DLC1: variants seen among roughly 807,000 people sequenced by gnomAD.
The protein encoded by DLC1 is rho GTPase-activating protein 7.
Under a neutral mutation model 140.3 loss-of-function variants are expected in DLC1, and 54 were observed. That is an observed-to-expected ratio of 0.38 (90% CI 0.31 to 0.48). The LOEUF (loss-of-function observed/expected upper bound fraction) is 0.48, where lower values mean the gene tolerates loss of function less well. Among genes scored for constraint, DLC1 ranks in the 20% least tolerant of loss-of-function variants. The pLI, the probability that DLC1 is intolerant of heterozygous loss-of-function variation, is 0.96. For missense variants in DLC1, 2,536 were observed against 1,907.0 expected, an observed-to-expected ratio of 1.33 and a Z score of -6.14; for synonymous variants, 986 against 728.1, an observed-to-expected ratio of 1.35 and a Z score of -5.70.
chr8:13,292,739 CA>C (rs1156909833), intron 5 of DLC1, among the ~76,000 whole-genome samples: 3 of 152,150 alleles, frequency 2.0e-5, no homozygotes, highest in African/African-American at 7.2e-5. Flanking sequence ...AGAATTCTGA[CA>C]TTTTTTTCTC....
rs773710263 is a variant in DLC1 at position 13,100,445 on chromosome 8, G to C, written c.1892C>G (p.Ala631Gly). ...VISVCSSSNL[A>G]GNDDSFGSLP... ...GCTGCCGAAAGAGTCGTCATTGCCT[G>C]CCAAGTTGCTGGAGGAGCAAACGCT... The change falls in exon 9 of 18, where the codon GCA becomes GGA. Residue 631 changes from alanine to glycine, a missense_variant. Physicochemically the swap from Ala to Gly is moderately conservative, Grantham distance 60. Coordinates refer to ENST00000276297, the MANE Select transcript of DLC1 (RefSeq NM_182643.3). The C allele has an allele frequency of 1.2e-6, 2 of 1,613,888 alleles. No individual in the cohort carries two copies. The highest frequency in any genetic ancestry group is 1.7e-6 in the Non-Finnish European group (2 of 1,180,032).
intron 5 of DLC1, among the ~76,000 whole-genome samples, chr8:13,269,701 CAAAAAAAA>C (rs57030004): frequency 0.024 from 2,410 of 99,474 alleles, 26 homozygotes; most frequent in East Asian, 0.054. Flanking sequence ...AAAACTCTGT[CAAAAAAAA>C]AAAAAAAAAA....
At chr8:13,192,281 G>C (rs1256746008) in intron 5 of DLC1, among the ~76,000 whole-genome samples, 1 of 152,038 alleles carries the variant, frequency 6.6e-6, no homozygotes, top group East Asian at 1.9e-4. Flanking sequence ...TCAGGAAGGA[G>C]CCGAGTTTGT....
chr8:13,482,696 G>A (rs1455145860), intron 2 of DLC1, among the ~76,000 whole-genome samples: 3 of 152,176 alleles, frequency 2.0e-5, no homozygotes, highest in South Asian at 2.1e-4. Flanking sequence ...GTGATTACGC[G>A]ATTTAATTGG....
intron 2 of DLC1, among the ~76,000 whole-genome samples, chr8:13,487,603 T>G (rs935120203): frequency 6.6e-6 from 1 of 151,352 alleles, no homozygotes; most frequent in Non-Finnish European, 1.5e-5. Context: ...AAACGGAGTC[T>G]CACTCTGTTG....
intron 4 of DLC1, among the ~76,000 whole-genome samples, chr8:13,351,051 G>A (rs140468497): frequency 2.0e-5 from 3 of 152,282 alleles, no homozygotes; most frequent in African/African-American, 4.8e-5. Context: ...TTTAGGGACA[G>A]TTTTCATGAA....
intron 4 of DLC1, among the ~76,000 whole-genome samples, chr8:13,380,116 T>C (rs1429668595): frequency 6.6e-6 from 1 of 152,142 alleles, no homozygotes; most frequent in Non-Finnish European, 1.5e-5. Context: ...AAAGTTTGAC[T>C]GGGATGGAAG....
chr8:13,476,612 A>C (rs1359583150), intron 2 of DLC1, among the ~76,000 whole-genome samples: 1 of 152,180 alleles, frequency 6.6e-6, no homozygotes, highest in Non-Finnish European at 1.5e-5. Context: ...GACAAACCAG[A>C]ATGAATAGAA....
At chr8:13,501,227 A>C (rs1450870407) in intron 1 of DLC1, among the ~76,000 whole-genome samples, 1 of 152,218 alleles carries the variant, frequency 6.6e-6, no homozygotes, top group African/African-American at 2.4e-5. Context: ...CATAAAATTT[A>C]AGTAAACAAG....
At chr8:13,370,839 A>T (rs188418214) in intron 4 of DLC1, among the ~76,000 whole-genome samples, 8 of 152,202 alleles carry the variant, frequency 5.3e-5, no homozygotes, top group African/African-American at 1.7e-4. Flanking sequence ...CTGGTGTTCA[A>T]ACCCTCATTG....
At chr8:13,316,106 C>G (rs889767499) in intron 4 of DLC1, among the ~76,000 whole-genome samples, 3 of 152,218 alleles carry the variant, frequency 2.0e-5, no homozygotes, top group African/African-American at 4.8e-5. Context: ...TAACAAAGTA[C>G]ACTCAGACAC....
chr8:13,569,384 A>G (rs1372599260), intron 1 of DLC1, among the ~76,000 whole-genome samples: 1 of 152,138 alleles, frequency 6.6e-6, no homozygotes, highest in Non-Finnish European at 1.5e-5. Context: ...CATAAAATTT[A>G]GCATATTTCC....
At chr8:13,565,997 G>T (rs1193213116) in intron 1 of DLC1, among the ~76,000 whole-genome samples, 1 of 152,148 alleles carries the variant, frequency 6.6e-6, no homozygotes, top group African/African-American at 2.4e-5. Context: ...CGTGTGTAAG[G>T]TAAGATTTAT....
chr8:13,199,536 C>T (rs998243379), intron 5 of DLC1, among the ~76,000 whole-genome samples: 1 of 152,174 alleles, frequency 6.6e-6, no homozygotes, highest in African/African-American at 2.4e-5. Flanking sequence ...GTTTTCCCAC[C>T]TGCTCTGTTG....
chr8:13,591,209 C>CA (rs1805503238), intron 1 of DLC1, among the ~76,000 whole-genome samples: 1 of 152,024 alleles, frequency 6.6e-6, no homozygotes, highest in African/African-American at 2.4e-5. Flanking sequence ...ATGATTATCA[C>CA]ACTCATTTTT....
At chr8:13,491,564 G>GGAT (rs1159204023) in intron 2 of DLC1, among the ~76,000 whole-genome samples, 1 of 152,096 alleles carries the variant, frequency 6.6e-6, no homozygotes. Context: ...ACTCCTCTCT[G>GGAT]GATACAACTA....
chr8:13,399,426 A>G (rs1837201281), intron 3 of DLC1, among the ~76,000 whole-genome samples: 1 of 152,136 alleles, frequency 6.6e-6, no homozygotes, highest in South Asian at 2.1e-4. Context: ...ACACAGGTAA[A>G]TTACTCATCC....
intron 2 of DLC1, among the ~76,000 whole-genome samples, chr8:13,402,997 G>T (rs1837365388): frequency 6.6e-6 from 1 of 152,164 alleles, no homozygotes; most frequent in South Asian, 2.1e-4. Context: ...AATCAATTAA[G>T]CTAACATTGG....
intron 5 of DLC1, among the ~76,000 whole-genome samples, chr8:13,174,256 A>G (rs1437258896): frequency 6.6e-6 from 1 of 152,206 alleles, no homozygotes; most frequent in Non-Finnish European, 1.5e-5. Context: ...TTCTTTATCC[A>G]ACCCACTGTC....
Sources: allele counts gnomAD v4.1 joint callset (sites outside exome capture counted in the v4.1 genomes callset), GRCh38; gene constraint gnomAD v4.1.1; transcripts MANE v1.5; gene names NCBI Gene and HGNC (gene_info 2026-07-23, HGNC 2026-07-21).